Variants in TASP1 observed in about 807,000 individuals in gnomAD.
TASP1 encodes taspase 1.
A neutral mutation model predicts 56.6 loss-of-function variants in TASP1; 16 were observed. The ratio of observed to expected loss-of-function variants is 0.28; its 90% confidence interval spans 0.19 to 0.43. TASP1 has a LOEUF of 0.43. TASP1 is among the 20% of genes least tolerant of loss of function. The pLI is 1.00. For missense variants in TASP1, 393 were observed against 511.6 expected (o/e 0.77, Z 2.24); for synonymous variants, 179 against 184.2 (o/e 0.97, Z 0.23).
At chr20:13,210,797 G>C in the TASP1 span, among the ~76,000 whole-genome samples, 4 of 151,966 alleles carry the variant, frequency 2.6e-5, no homozygotes, top group African/African-American at 9.7e-5. Context: ...AAAATTATAA[G>C]TAACCGAAAT....
the TASP1 span, among the ~76,000 whole-genome samples, chr20:13,235,468 G>A: frequency 6.6e-6 from 1 of 152,156 alleles, no homozygotes; most frequent in African/African-American, 2.4e-5. Context: ...AATGGGATAA[G>A]AATAGTTAAC....
chr20:13,118,474 A>C, the TASP1 span, among the ~76,000 whole-genome samples: 14 of 151,016 alleles, frequency 9.3e-5, no homozygotes, highest in Admixed American at 9.3e-4. Context: ...AAAAAACAAT[A>C]AATATTTGAG....
intron 13 of TASP1, among the ~76,000 whole-genome samples, chr20:13,399,923 G>A (rs981206729): frequency 6.6e-6 from 1 of 152,150 alleles, no homozygotes; most frequent in African/African-American, 2.4e-5. Context: ...CTACTTGAGA[G>A]TGTTTGCACC....
chr20:13,615,196 CAT>C lies in TASP1; in HGVS notation c.282+8248_282+8249del, dbSNP rs993428736. Among the ~76,000 whole-genome samples the C allele has an allele frequency of 6.6e-4, 101 of 152,220 alleles. 1 individual carries two copies. The highest frequency in any genetic ancestry group is 2.4e-3 in the African/African-American group (100 of 41,534). On this transcript the variant is annotated intron_variant, in intron 4 of 13. Coordinates refer to ENST00000337743, the MANE Select transcript of TASP1 (RefSeq NM_017714.3). ...TTGCACATACTCCAGAAAAGGGAAA[CAT>C]AAATAAATTCCCCACTCTGAATGTG...
chr20:13,363,220 G>T, the TASP1 span, among the ~76,000 whole-genome samples: 1 of 152,080 alleles, frequency 6.6e-6, no homozygotes, highest in Non-Finnish European at 1.5e-5. Context: ...TTACAAGCTT[G>T]GAACTTTCAG....
chr20:13,505,802 A>G (rs1019334452), intron 10 of TASP1, among the ~76,000 whole-genome samples: 1 of 152,150 alleles, frequency 6.6e-6, no homozygotes, highest in African/African-American at 2.4e-5. Flanking sequence ...ACCTACATGA[A>G]AAAAGAAAGA....
chr20:13,221,545 G>A, the TASP1 span, among the ~76,000 whole-genome samples: 69 of 144,318 alleles, frequency 4.8e-4, no homozygotes, highest in African/African-American at 1.6e-3. Context: ...CGGTGGCTCC[G>A]CCGTGGTGCG....
At chr20:13,270,302 C>G in the TASP1 span, among the ~76,000 whole-genome samples, 4 of 152,172 alleles carry the variant, frequency 2.6e-5, no homozygotes, top group African/African-American at 9.7e-5. Context: ...TCCCAAGTAG[C>G]AGGCTAGAAG....
At chr20:13,204,030 C>T in the TASP1 span, among the ~76,000 whole-genome samples, 5 of 152,176 alleles carry the variant, frequency 3.3e-5, no homozygotes, top group African/African-American at 7.2e-5. Context: ...AATCACCTCG[C>T]ATAAAATGTA....
chr20:13,381,927 T>C, the TASP1 span, among the ~76,000 whole-genome samples: 19 of 152,348 alleles, frequency 1.2e-4, no homozygotes, highest in African/African-American at 4.6e-4. Flanking sequence ...GTTGAGTCTC[T>C]GTCTATGAAT....
rs1464881790 is a variant in TASP1, at chr20:13,623,475, C to T, written c.253G>A (p.Ala85Thr). The change falls in exon 4 of 14, where the codon GCA (alanine) becomes ACA (threonine). Residue 85 changes from alanine to threonine, a missense_variant. Physicochemically the swap from Ala to Thr is moderately conservative, Grantham distance 58. Coordinates refer to ENST00000337743, the MANE Select transcript of TASP1 (RefSeq NM_017714.3). ...KLQAGALATD[A>T]VTAALVELED... ...AGTTCCACCAGTGCTGCAGTGACTG[C>T]GTCAGTTGCAAGAGCACCGGCCTGC... The T allele has an allele frequency of 2.5e-6, 4 of 1,609,162 alleles. No individual in the cohort carries two copies. Among genetic ancestry groups the T allele is most frequent in the Admixed American group, 1.7e-5 (1 of 59,866 alleles).
At chr20:13,537,730 G>T (rs1057513025) in intron 8 of TASP1, among the ~76,000 whole-genome samples, 4 of 152,186 alleles carry the variant, frequency 2.6e-5, no homozygotes, top group East Asian at 1.9e-4. Context: ...TTCAAAATAA[G>T]CATGTATATA....
chr20:13,435,799 A>G (rs1182421392), intron 11 of TASP1, among the ~76,000 whole-genome samples: 2 of 152,194 alleles, frequency 1.3e-5, no homozygotes, highest in East Asian at 3.8e-4. Flanking sequence ...AACATCTGGC[A>G]TAGCAAGTGA....
At chr20:13,213,280 T>C in the TASP1 span, among the ~76,000 whole-genome samples, 1 of 152,216 alleles carries the variant, frequency 6.6e-6, no homozygotes, top group Non-Finnish European at 1.5e-5. Flanking sequence ...ATATTCCTTG[T>C]GCTTTTTAAA....
At chr20:13,600,951 G>A (rs112710672) in intron 4 of TASP1, among the ~76,000 whole-genome samples, 18 of 152,220 alleles carry the variant, frequency 1.2e-4, no homozygotes, top group African/African-American at 4.1e-4. Flanking sequence ...TTGGAGAAAT[G>A]GCTGATTCTA....
chr20:13,592,181 G>A (rs1410294102), intron 4 of TASP1, among the ~76,000 whole-genome samples: 12 of 151,598 alleles, frequency 7.9e-5, no homozygotes, highest in Admixed American at 2.6e-4. Context: ...GGCGTATCAC[G>A]AGGTCAGGAG....
At chr20:13,150,163 C>T in the TASP1 span, among the ~76,000 whole-genome samples, 3 of 152,170 alleles carry the variant, frequency 2.0e-5, no homozygotes. Flanking sequence ...CACAATCTCC[C>T]CCTACTCTTT....
chr20:13,571,958 T>A (rs189988513), intron 6 of TASP1, among the ~76,000 whole-genome samples: 1 of 152,108 alleles, frequency 6.6e-6, no homozygotes, highest in African/African-American at 2.4e-5. Context: ...TGCTCAAATA[T>A]CCCTCCTTCA....
At chr20:13,210,890 T>A in the TASP1 span, among the ~76,000 whole-genome samples, 4 of 152,116 alleles carry the variant, frequency 2.6e-5, no homozygotes, top group African/African-American at 9.7e-5. Context: ...TTAACCTAAG[T>A]AATAGATCAA....
Sources: allele counts gnomAD v4.1 joint callset (sites outside exome capture counted in the v4.1 genomes callset), GRCh38; gene constraint gnomAD v4.1.1; transcripts MANE v1.5; gene names NCBI Gene and HGNC (gene_info 2026-07-23, HGNC 2026-07-21).